Variants in RNF103 observed in about 807,000 individuals in gnomAD.
The protein encoded by RNF103 is E3 ubiquitin-protein ligase RNF103.
Under a neutral mutation model 66.2 loss-of-function variants are expected in RNF103, and 23 were observed. The observed-to-expected ratio is 0.35, with a 90% CI of 0.25 to 0.49. The LOEUF (loss-of-function observed/expected upper bound fraction) is 0.49. Among genes scored for constraint, RNF103 ranks in the 20% least tolerant of loss-of-function variants. RNF103 has a pLI of 0.98. For missense variants in RNF103, 730 were observed against 814.7 expected, an observed-to-expected ratio of 0.90 and a Z score of 1.27; for synonymous variants, 297 against 289.9, an observed-to-expected ratio of 1.02 and a Z score of -0.25.
At chr2:86,620,772 G>A (rs1426813244) in intron 1 of RNF103, among the ~76,000 whole-genome samples, 3 of 152,110 alleles carry the variant, frequency 2.0e-5, no homozygotes, top group Non-Finnish European at 4.4e-5. Context: ...TACCAAATTT[G>A]TACCACTCCA....
Position 86,623,821 on chromosome 2 carries a change from A to G in RNF103, c.-935T>C. The G allele has an allele frequency of 7.8e-7, 1 of 1,288,064 alleles. No individual in the cohort carries two copies. The highest frequency in any genetic ancestry group is 1.2e-5 in the South Asian group (1 of 80,912). The allele number at this position is 1,288,064 out of a possible 1,614,324, so 79.8% of individuals were successfully genotyped here. A position where few individuals can be genotyped will look rare whatever the true frequency, so the allele number is the denominator to read the frequency against. Reference sequence around the variant, plus strand: ...TCCGGAGACCGCGGCCGTACCCTCCACAACCGTGTATCAGCGGCGGCCGCG... The same window carrying G: ...TCCGGAGACCGCGGCCGTACCCTCCGCAACCGTGTATCAGCGGCGGCCGCG... On this transcript the variant is annotated 5_prime_UTR_variant, in exon 1 of 4. Transcript: ENST00000237455.
Position 86,622,871 on chromosome 2 carries a change from A to G in RNF103, c.16T>C (p.Phe6Leu). 1 of 1,608,578 alleles carries G rather than the reference A, an allele frequency of 6.2e-7. No individual in the cohort carries two copies. Among genetic ancestry groups the G allele is most frequent in the Non-Finnish European group, 8.5e-7 (1 of 1,177,276 alleles). ...ACCAGGAAATAGAGGAGCAAGAAAA[A>G]AAGCTTCAGCCACATCTTCCCTGGA... The part of the protein sequence containing the change: MWLKL[F>L]FLLLYFLVLF... Residue 6 changes from phenylalanine (F) to leucine (L), a missense_variant, in exon 1 of 4, where the codon TTT (phenylalanine) becomes CTT (leucine). Coordinates refer to ENST00000237455, the MANE Select transcript of RNF103 (RefSeq NM_005667.4).
rs549429524 is a variant in RNF103 at position 86,620,998 on chromosome 2, T to A, written c.227-529A>T. 2.6e-5 allele frequency among the ~76,000 whole-genome samples: 4 copies of A among 152,296 alleles called. No individual in the cohort carries two copies. In the East Asian group the frequency reaches 7.7e-4, roughly 29 times the overall value. ...AGACAGAACAAACTCCATATTCATA[T>A]ACAAATTTATATTATAAATTTAGAG... is the stretch of plus-strand genomic sequence containing the variant. On this transcript the variant is annotated intron_variant, in intron 1 of 3. Coordinates refer to ENST00000237455, the MANE Select transcript of RNF103 (RefSeq NM_005667.4).
intron 2 of RNF103, chr2:86,614,721 A>G (rs1678951374): frequency 1.1e-6 from 1 of 934,786 alleles, no homozygotes; most frequent in Non-Finnish European, 1.3e-6. Flanking sequence ...TCAAGAGTCA[A>G]TCTGGTAGTT....
rs1430989443 is a variant in RNF103 at position 86,623,456 on chromosome 2, G to A, written c.-570C>T. On this transcript the variant is annotated 5_prime_UTR_variant, in exon 1 of 4. Transcript: ENST00000237455. Reference sequence around the variant, plus strand: ...CCCGGGGCCCAGCGTGTTCTGCGCGGGGAGGAGCGGCCGCCGCAACGCCGC... The same window carrying A: ...CCCGGGGCCCAGCGTGTTCTGCGCGAGGAGGAGCGGCCGCCGCAACGCCGC... The A allele has an allele frequency of 4.5e-5, 44 of 982,196 alleles. No homozygotes were observed. The highest frequency in any genetic ancestry group is 5.2e-5 in the Non-Finnish European group (43 of 828,712). 60.8% of individuals were successfully genotyped at this position (982,196 alleles called of 1,614,324 possible). A position where few individuals can be genotyped will look rare whatever the true frequency, so the allele number is the denominator to read the frequency against.
At chr2:86,612,069 G>T in intron 3 of RNF103, 90 bp downstream of exon 3, 1 of 772,354 alleles carries the variant, frequency 1.3e-6, no homozygotes, top group Non-Finnish European at 2.2e-6. Context: ...TAAGCTTTCA[G>T]TTCAAGCAGG....
In RNF103 at chr2:86,603,944, C is replaced by G; in HGVS notation, c.1957G>C (p.Ala653Pro). Reference sequence around the variant, plus strand: ...ACAGGGCAACAATGTCGGCCCCCAGCCAACCACATCACAATGCAATTCTGA... The same window carrying G: ...ACAGGGCAACAATGTCGGCCCCCAGGCAACCACATCACAATGCAATTCTGA... The part of the protein sequence containing the change: ...FHQNCIVMWL[A>P]GGRHCCPVCR... Residue 653 changes from alanine (A) to proline (P), a missense_variant, in exon 4 of 4, where the codon GCT becomes CCT. By Grantham distance (27) the Ala-to-Pro change is conservative. Coordinates refer to ENST00000237455, the MANE Select transcript of RNF103 (RefSeq NM_005667.4). 1 of 1,614,034 alleles carries G rather than the reference C, an allele frequency of 6.2e-7. No homozygotes were observed. The highest frequency in any genetic ancestry group is 1.6e-4 in the Middle Eastern group (1 of 6,062).
intron 2 of RNF103, chr2:86,616,366 C>G (rs958345983): frequency 2.7e-5 from 14 of 522,194 alleles, no homozygotes; most frequent in South Asian, 1.7e-4. Flanking sequence ...ATAAGCCAAC[C>G]TAGTATATAC....
chr2:86,603,766 C>G lies in RNF103; in HGVS notation c.*77G>C, dbSNP rs761823531. The G allele has an allele frequency of 6.6e-7, 1 of 1,522,312 alleles. No homozygotes were observed. The highest frequency in any genetic ancestry group is 2.3e-5 in the East Asian group (1 of 44,224). The allele number at this position is 1,522,312 out of a possible 1,614,324, so 94.3% of individuals were successfully genotyped here. A position where few individuals can be genotyped will look rare whatever the true frequency, so the allele number is the denominator to read the frequency against. The stretch of plus-strand genomic sequence containing the variant: ...ACTAACATTAAACTAAACTTCAAAC[C>G]ACAAAAACATTGTGACTAACATTAA... On this transcript the variant is annotated 3_prime_UTR_variant, in exon 4 of 4. Transcript: ENST00000237455.
At position 86,605,387 on chromosome 2, in the gene RNF103, T is replaced by C. The variant is rs750102758; in HGVS notation, c.514A>G (p.Thr172Ala). ...GTTTGTGGAACAGACATAATGAGTG[T>C]GGATCGGACCCAGCCTCTTCTCCTG... Reference protein sequence around the residue: ...YCRRRGWVRSTLIMSVPQTST... With the variant: ...YCRRRGWVRSALIMSVPQTST... Residue 172 changes from threonine to alanine, a missense_variant, in exon 4 of 4, where the codon ACA (threonine) becomes GCA (alanine). Transcript: ENST00000237455. 5 of 1,613,646 alleles carry C rather than the reference T, an allele frequency of 3.1e-6. No homozygotes were observed. The highest frequency in any genetic ancestry group is 2.5e-6 in the Non-Finnish European group (3 of 1,179,738).
intron 3 of RNF103, among the ~76,000 whole-genome samples, chr2:86,611,179 CA>C (rs397978650): frequency 3.0e-3 from 392 of 131,156 alleles, no homozygotes; most frequent in Admixed American, 3.4e-3. Flanking sequence ...AATCCTGTCT[CA>C]AAAAAAAAAA....
rs1260868589 is a variant in RNF103, at chr2:86,605,225, C to G, written c.676G>C (p.Glu226Gln). The change falls in exon 4 of 4, where the codon GAA becomes CAA. Residue 226 changes from glutamate to glutamine, a missense_variant. Coordinates refer to ENST00000237455, the MANE Select transcript of RNF103 (RefSeq NM_005667.4). Reference protein sequence around the residue: ...TIYNAEHLKEEWNKSDQYWLK... With the variant: ...TIYNAEHLKEQWNKSDQYWLK... The stretch of plus-strand genomic sequence containing the variant: ...CAATACTGATCACTTTTATTCCATT[C>G]TTCTTTCAAGTGTTCAGCATTATAA... 1 of 1,614,008 alleles carries G rather than the reference C, an allele frequency of 6.2e-7. No individual in the cohort carries two copies. The highest frequency in any genetic ancestry group is 2.2e-5 in the East Asian group (1 of 44,868).
In RNF103 at chr2:86,604,258, C is replaced by T. The variant is rs1678456682; in HGVS notation, c.1643G>A (p.Ser548Asn). The T allele has an allele frequency of 4.3e-6, 7 of 1,614,092 alleles. No homozygotes were observed. Among genetic ancestry groups the T allele is most frequent in the African/African-American group, 4.0e-5 (3 of 74,928 alleles). Residue 548 changes from serine (S) to asparagine (N), a missense_variant, in exon 4 of 4, where the codon AGT becomes AAT. Transcript: ENST00000237455. ...ATCTTCAAATACTTCCTTCTCACTA[C>T]TCAAAGTGTCTGTGTTCTCACTTTC... ...DSESENTDTLSSEKEVFEDKQ... is the reference protein window; with the variant it reads ...DSESENTDTLNSEKEVFEDKQ...
Position 86,622,923 on chromosome 2 carries a change from A to G in RNF103, c.-37T>C. On this transcript the variant is annotated 5_prime_UTR_variant, in exon 1 of 4. Coordinates refer to ENST00000237455, the MANE Select transcript of RNF103 (RefSeq NM_005667.4). ...TTTCCTCTCTTTCCAGAGAGCTCGG[A>G]ATACGGGAGAGAGAAGGGTCGAGGG... is the stretch of plus-strand genomic sequence containing the variant. 6.4e-7 allele frequency: 1 copy of G among 1,554,614 alleles called. No individual in the cohort carries two copies. Among genetic ancestry groups the G allele is most frequent in the Non-Finnish European group, 8.7e-7 (1 of 1,149,244 alleles).
intron 3 of RNF103, among the ~76,000 whole-genome samples, chr2:86,609,793 C>T (rs1465809612): frequency 6.6e-6 from 1 of 152,118 alleles, no homozygotes; most frequent in African/African-American, 2.4e-5. Flanking sequence ...TGCCCAGAGG[C>T]CACCCCAGAG....
intron 2 of RNF103, chr2:86,614,653 C>G: frequency 1.6e-6 from 1 of 621,330 alleles, no homozygotes; most frequent in Non-Finnish European, 2.0e-6. Flanking sequence ...GAAGATCAAG[C>G]AAAGCAGGCG....
chr2:86,607,105 A>G (rs1678598710), intron 3 of RNF103, among the ~76,000 whole-genome samples: 1 of 152,180 alleles, frequency 6.6e-6, no homozygotes, highest in African/African-American at 2.4e-5. Flanking sequence ...GAAATTTTTA[A>G]GTAAAATTTA....
intron 1 of RNF103, among the ~76,000 whole-genome samples, chr2:86,620,981 C>G (rs746375903): frequency 6.6e-6 from 1 of 152,078 alleles, no homozygotes; most frequent in Non-Finnish European, 1.5e-5. Context: ...TTAGACAGAA[C>G]AAACTCCATA....
intron 2 of RNF103, chr2:86,617,386 T>A (rs186898073): frequency 2.8e-6 from 2 of 726,572 alleles, no homozygotes; most frequent in Non-Finnish European, 3.4e-6. Flanking sequence ...AAATACTACA[T>A]ACAATTAGAT....
Sources: allele counts gnomAD v4.1 joint callset (sites outside exome capture counted in the v4.1 genomes callset), GRCh38; gene constraint gnomAD v4.1.1; transcripts MANE v1.5; gene names NCBI Gene and HGNC (gene_info 2026-07-23, HGNC 2026-07-21).